CRYBG1: variants seen among roughly 807,000 people sequenced by gnomAD.
CRYBG1 encodes crystallin beta-gamma domain containing 1.
A neutral mutation model predicts 189.2 loss-of-function variants in CRYBG1; 139 were observed. The observed-to-expected ratio is 0.73, with a 90% CI of 0.64 to 0.85. CRYBG1 has a LOEUF of 0.85. Among genes scored for constraint, CRYBG1 ranks in the 40% least tolerant of loss-of-function variants. The probability of loss-of-function intolerance (pLI) is 0.00; values close to 1 mark genes in which losing one functional copy is unlikely to be tolerated. For missense variants in CRYBG1, 2,611 were observed against 2,675.8 expected, an observed-to-expected ratio of 0.98 and a Z score of 0.53; for synonymous variants, 1,023 against 1,017.1, an observed-to-expected ratio of 1.01 and a Z score of -0.11.
chr6:106,384,512 G>A (rs1347433034), intron 1 of CRYBG1, among the ~76,000 whole-genome samples: 1 of 152,096 alleles, frequency 6.6e-6, no homozygotes, highest in Non-Finnish European at 1.5e-5. Context: ...TGGGGGTGAT[G>A]GGAGAGAGTG....
At chr6:106,363,198 C>T (rs1006408115) in intron 1 of CRYBG1, among the ~76,000 whole-genome samples, 2 of 141,060 alleles carry the variant, frequency 1.4e-5, no homozygotes, top group Admixed American at 7.5e-5. Flanking sequence ...GAGTCGAGAT[C>T]GCGCCACTGC....
In CRYBG1 at chr6:106,544,952, T is replaced by C. The variant is rs753275146; in HGVS notation, c.5312+19T>C. The C allele has an allele frequency of 3.8e-6, 6 of 1,586,938 alleles. No homozygotes were observed. In the South Asian group the frequency reaches 5.8e-5, roughly 15 times the overall value. On this transcript the variant is annotated intron_variant, in intron 13 of 21. Transcript: ENST00000633556. ...GTGGAGTGTAAGTGAAATAATCCAGTTGGAATTTTAAACATGCGTTTTACC... is the reference window on the plus strand; with the variant it reads ...GTGGAGTGTAAGTGAAATAATCCAGCTGGAATTTTAAACATGCGTTTTACC...
At chr6:106,524,680 T>A (rs1773692935) in intron 4 of CRYBG1, among the ~76,000 whole-genome samples, 2 of 152,226 alleles carry the variant, frequency 1.3e-5, no homozygotes, top group Non-Finnish European at 2.9e-5. Flanking sequence ...AGATTTACTA[T>A]GAGAAAACAA....
intron 1 of CRYBG1, among the ~76,000 whole-genome samples, chr6:106,388,120 AC>A (rs1437222405): frequency 6.6e-6 from 1 of 152,156 alleles, no homozygotes; most frequent in African/African-American, 2.4e-5. Flanking sequence ...ATGCCACCTC[AC>A]CATGAACCTG....
chr6:106,538,193 T>C (rs942191842), intron 8 of CRYBG1, among the ~76,000 whole-genome samples: 2 of 152,148 alleles, frequency 1.3e-5, no homozygotes, highest in Non-Finnish European at 2.9e-5. Flanking sequence ...CCCTCTCTTA[T>C]AGAAAAGTCA....
In CRYBG1 at chr6:106,541,587, G is replaced by A. The variant is rs747913472; in HGVS notation, c.4847G>A (p.Gly1616Asp). 9 of 1,611,520 alleles carry A rather than the reference G, an allele frequency of 5.6e-6. No homozygotes were observed. In the South Asian group the frequency reaches 6.6e-5, roughly 12 times the overall value. ...YIGSMRPLKM[G>D]GRKVEFPTDP... ...TTCTTACTATGTTGTTTTTTTCAGG[G>A]TGGCCGTAAAGTTGAATTCCCTACA... Residue 1616 changes from glycine (G) to aspartate (D), a missense_variant and splice_region_variant, in exon 10 of 22, where the codon GGT becomes GAT. Gly to Asp is a moderately conservative substitution (Grantham distance 94). This residue lies in a region of CRYBG1 where 1,622 missense variants were observed against 1,735.0 expected (regional missense o/e 0.93). Coordinates refer to ENST00000633556, the MANE Select transcript of CRYBG1 (RefSeq NM_001371242.2).
chr6:106,376,519 C>CA (rs1359772109), intron 1 of CRYBG1, among the ~76,000 whole-genome samples: 2 of 152,132 alleles, frequency 1.3e-5, no homozygotes, highest in East Asian at 3.9e-4. Context: ...GGAGGTCAGG[C>CA]TGGAGTTAGG....
chr6:106,519,200 G>A lies in CRYBG1; in HGVS notation c.1992G>A (p.Glu664=). ...TPKNLDSLGN[E]HNPFSQPVHK... ...AGAATCTTGACAGTTTGGGAAATGA[G>A]CACAATCCATTTAGCCAGCCAGTTC... Residue 664 remains glutamate, a synonymous_variant, in exon 4 of 22, where the codon GAG becomes GAA. Coordinates refer to ENST00000633556, the MANE Select transcript of CRYBG1 (RefSeq NM_001371242.2). 1 of 1,614,038 alleles carries A rather than the reference G, an allele frequency of 6.2e-7. No homozygotes were observed.
intron 1 of CRYBG1, among the ~76,000 whole-genome samples, chr6:106,417,499 G>A (rs559426634): frequency 7.2e-5 from 11 of 152,306 alleles, no homozygotes; most frequent in South Asian, 6.2e-4. Flanking sequence ...GATTACCACC[G>A]TAGATATAAA....
intron 21 of CRYBG1, among the ~76,000 whole-genome samples, chr6:106,564,886 G>A (rs995989294): frequency 7.2e-5 from 11 of 152,160 alleles, no homozygotes; most frequent in African/African-American, 2.4e-4. Context: ...TGGTGATAAT[G>A]TAACCATACT....
At chr6:106,559,639 G>C (rs1774650200) in intron 18 of CRYBG1, among the ~76,000 whole-genome samples, 1 of 152,038 alleles carries the variant, frequency 6.6e-6, no homozygotes, top group Non-Finnish European at 1.5e-5. Flanking sequence ...ACAAAAATTA[G>C]CCAGGTGTGG....
rs761274299 is a variant in CRYBG1, at chr6:106,512,617, G to T, written c.1500G>T (p.Ser500=). 6.2e-7 allele frequency: 1 copy of T among 1,600,040 alleles called. No individual in the cohort carries two copies. Among genetic ancestry groups the T allele is most frequent in the Non-Finnish European group, 8.5e-7 (1 of 1,174,322 alleles). The part of the protein sequence containing the change: ...PGTKGQLRGE[S]DRSKQPPPAS... Reference sequence around the variant, plus strand: ...CCAAAGGGCAGCTCCGAGGGGAGTCGGACCGGAGCAAACAGCCACCCCCGG... The same window carrying T: ...CCAAAGGGCAGCTCCGAGGGGAGTCTGACCGGAGCAAACAGCCACCCCCGG... Residue 500 remains serine, a synonymous_variant, in exon 3 of 22, where the codon TCG becomes TCT. Transcript: ENST00000633556.
At chr6:106,518,973 G>GCACACACACACA (rs1193845182) in intron 3 of CRYBG1, among the ~76,000 whole-genome samples, 158 bp from the exon 4 acceptor site, 3 of 41,700 alleles carry the variant, frequency 7.2e-5, no homozygotes, top group African/African-American at 1.2e-4. Context: ...ACACATGTGT[G>GCACACACACACA]CGCACACACA....
At chr6:106,438,355 A>G (rs1771504726) in intron 1 of CRYBG1, among the ~76,000 whole-genome samples, 1 of 152,210 alleles carries the variant, frequency 6.6e-6, no homozygotes, top group African/African-American at 2.4e-5. Context: ...AGCTATAACA[A>G]GTTGCCGTAA....
At chr6:106,361,655 G>C (rs1445610464) in intron 1 of CRYBG1, among the ~76,000 whole-genome samples, 2 of 152,206 alleles carry the variant, frequency 1.3e-5, no homozygotes, top group Non-Finnish European at 2.9e-5. Context: ...GGCAGAGCTA[G>C]AGAGCACCTA....
rs1467557905 is a variant in CRYBG1 at position 106,539,435 on chromosome 6, G to T, written c.4751G>T (p.Gly1584Val). The change falls in exon 9 of 22, where the codon GGT becomes GTT. Residue 1584 changes from glycine (G) to valine (V), a missense_variant. By Grantham distance (109) the Gly-to-Val change is moderately radical. This residue lies in a region of CRYBG1 where 1,622 missense variants were observed against 1,735.0 expected (regional missense o/e 0.93). Coordinates refer to ENST00000633556, the MANE Select transcript of CRYBG1 (RefSeq NM_001371242.2). The part of the protein sequence containing the change: ...WLIYEEPGFQ[G>V]VPFILEPGEY... ...ATTTATGAAGAACCTGGATTTCAGG[G>T]TGTTCCTTTCATCCTGGAACCTGGT... 3 of 1,613,968 alleles carry T rather than the reference G, an allele frequency of 1.9e-6. No individual in the cohort carries two copies. Among genetic ancestry groups the T allele is most frequent in the Non-Finnish European group, 2.5e-6 (3 of 1,179,904 alleles).
intron 1 of CRYBG1, among the ~76,000 whole-genome samples, chr6:106,444,408 C>G (rs995811139): frequency 6.6e-6 from 1 of 152,196 alleles, no homozygotes; most frequent in Non-Finnish European, 1.5e-5. Flanking sequence ...TAAAACCGAG[C>G]CGTTCCTTGA....
chr6:106,503,622 C>T (rs1773058530), intron 2 of CRYBG1, among the ~76,000 whole-genome samples: 1 of 152,120 alleles, frequency 6.6e-6, no homozygotes, highest in Admixed American at 6.5e-5. Flanking sequence ...TCTGGCACAA[C>T]GTAGACACTC....
chr6:106,473,312 C>T (rs1360843145), intron 2 of CRYBG1, among the ~76,000 whole-genome samples: 2 of 152,234 alleles, frequency 1.3e-5, no homozygotes, highest in Non-Finnish European at 2.9e-5. Context: ...CCTGTTTCCT[C>T]TCTACCTTCC....
Sources: gnomAD v4.1 joint callset for allele counts (sites outside exome capture counted in the v4.1 genomes callset) on GRCh38, gnomAD v4.1.1 for gene constraint, gnomAD v4.1.1 regional missense constraint, MANE v1.5 for transcripts, NCBI Gene and HGNC (gene_info 2026-07-23, HGNC 2026-07-21) for gene names.